Variants in IMMP2L observed in about 807,000 individuals in gnomAD.
IMMP2L encodes the protein inner mitochondrial membrane peptidase subunit 2, also known as mitochondrial inner membrane protease subunit 2.
In IMMP2L, 18 loss-of-function variants were observed where a neutral mutation model predicts 19.3. That is an observed-to-expected ratio of 0.93 (90% confidence interval 0.64 to 1.38). The LOEUF (loss-of-function observed/expected upper bound fraction) is 1.38. IMMP2L is among the 40% of genes most tolerant of loss of function. The pLI is 0.00. For missense variants in IMMP2L, 233 were observed against 218.2 expected, an observed-to-expected ratio of 1.07 and a Z score of -0.43; for synonymous variants, 76 against 73.0, an observed-to-expected ratio of 1.04 and a Z score of -0.21.
At chr7:110,906,843 T>C (rs1355663392) in intron 4 of IMMP2L, among the ~76,000 whole-genome samples, 1 of 152,194 alleles carries the variant, frequency 6.6e-6, no homozygotes, top group Non-Finnish European at 1.5e-5. Context: ...ATGATTATAC[T>C]AATATGATGA....
intron 3 of IMMP2L, 60 bp from the exon 4 acceptor site, chr7:110,963,625 A>G (rs1053060197): frequency 3.8e-6 from 4 of 1,065,072 alleles, no homozygotes; most frequent in Non-Finnish European, 5.6e-6. Context: ...AGGAAGATGA[A>G]AAGAAATTCT....
chr7:110,783,327 T>C (rs1010456323), intron 5 of IMMP2L, among the ~76,000 whole-genome samples: 1 of 151,782 alleles, frequency 6.6e-6, no homozygotes, highest in Admixed American at 6.6e-5. Flanking sequence ...TCAATTACAA[T>C]GAGGAAACTA....
chr7:111,501,224 T>C (rs938252965), intron 2 of IMMP2L, among the ~76,000 whole-genome samples: 16 of 152,024 alleles, frequency 1.1e-4, no homozygotes, highest in Admixed American at 7.2e-4. Flanking sequence ...AGGGTATCAG[T>C]GATGGAAGAC....
intron 5 of IMMP2L, among the ~76,000 whole-genome samples, chr7:110,789,631 C>T (rs1410951462): frequency 6.6e-6 from 1 of 151,656 alleles, no homozygotes; most frequent in Non-Finnish European, 1.5e-5. Flanking sequence ...TGTCCAATGG[C>T]TTCCTTTATG....
chr7:111,270,187 C>T (rs567205678), intron 3 of IMMP2L, among the ~76,000 whole-genome samples: 12 of 151,738 alleles, frequency 7.9e-5, no homozygotes, highest in South Asian at 2.1e-4. Context: ...AGAAAGCTGG[C>T]TTGCCTTTTA....
intron 3 of IMMP2L, among the ~76,000 whole-genome samples, chr7:111,050,263 A>C (rs1740269740): frequency 6.6e-6 from 1 of 152,218 alleles, no homozygotes; most frequent in South Asian, 2.1e-4. Flanking sequence ...AAAGAATCTT[A>C]CAGATTTTGA....
intron 3 of IMMP2L, among the ~76,000 whole-genome samples, chr7:111,235,977 AT>A (rs1342104851): frequency 2.6e-5 from 4 of 151,600 alleles, no homozygotes; most frequent in Non-Finnish European, 5.9e-5. Context: ...CATCCAGCAA[AT>A]TTTTTTCATC....
chr7:110,797,335 A>G (rs1285313724), intron 5 of IMMP2L, among the ~76,000 whole-genome samples: 1 of 152,078 alleles, frequency 6.6e-6, no homozygotes, highest in African/African-American at 2.4e-5. Context: ...TATGTGTAGT[A>G]GAGGAGCTTT....
intron 3 of IMMP2L, among the ~76,000 whole-genome samples, chr7:111,428,144 C>G (rs1287190207): frequency 6.6e-6 from 1 of 151,678 alleles, no homozygotes; most frequent in African/African-American, 2.4e-5. Flanking sequence ...TTGCAATATT[C>G]TAGGAGAGTG....
At chr7:110,794,252 C>T (rs760029171) in intron 5 of IMMP2L, among the ~76,000 whole-genome samples, 5 of 152,058 alleles carry the variant, frequency 3.3e-5, no homozygotes, top group Admixed American at 1.3e-4. Flanking sequence ...GTAGCCAAGA[C>T]GTCCTTGAGC....
chr7:110,702,956 A>T (rs6466350), intron 5 of IMMP2L, among the ~76,000 whole-genome samples: 2 of 151,976 alleles, frequency 1.3e-5, no homozygotes, highest in East Asian at 1.9e-4. Flanking sequence ...TAAAGTAATG[A>T]GATCAGATAG....
intron 3 of IMMP2L, among the ~76,000 whole-genome samples, chr7:111,212,738 T>C (rs1264304139): frequency 2.0e-5 from 3 of 152,222 alleles, no homozygotes; most frequent in Non-Finnish European, 1.5e-5. Context: ...AAATAATTGT[T>C]ACACACAGTG....
chr7:111,008,927 G>A (rs1563155549), intron 3 of IMMP2L, among the ~76,000 whole-genome samples: 1 of 152,030 alleles, frequency 6.6e-6, no homozygotes, highest in Non-Finnish European at 1.5e-5. Flanking sequence ...TGGATTCTGT[G>A]CCACTTTGAG....
At chr7:111,068,654 G>C (rs1407826759) in intron 3 of IMMP2L, among the ~76,000 whole-genome samples, 1 of 152,054 alleles carries the variant, frequency 6.6e-6, no homozygotes, top group African/African-American at 2.4e-5. Context: ...ATTTATAATA[G>C]CACAAGTATC....
At chr7:110,808,425 GC>G (rs1241569843) in intron 5 of IMMP2L, among the ~76,000 whole-genome samples, 7 of 151,994 alleles carry the variant, frequency 4.6e-5, no homozygotes, top group Non-Finnish European at 4.4e-5. Context: ...ATTTTGGGCA[GC>G]CCTTTATGAA....
chr7:110,907,952 G>A (rs954776771), intron 4 of IMMP2L, among the ~76,000 whole-genome samples: 9 of 152,118 alleles, frequency 5.9e-5, no homozygotes, highest in South Asian at 2.1e-4. Flanking sequence ...TTACTCATGC[G>A]ACACAACGGT....
chr7:110,922,788 T>C (rs1422408798), intron 4 of IMMP2L, among the ~76,000 whole-genome samples: 2 of 152,176 alleles, frequency 1.3e-5, no homozygotes, highest in South Asian at 2.1e-4. Flanking sequence ...TTGCTTCAAA[T>C]GTATATCATG....
At chr7:110,838,148 C>T (rs556269089) in intron 5 of IMMP2L, among the ~76,000 whole-genome samples, 80 of 151,450 alleles carry the variant, frequency 5.3e-4, no homozygotes, top group African/African-American at 1.8e-3. Context: ...CATATTCAGT[C>T]AGTAGTTATC....
At chr7:111,155,953 A>G (rs961180041) in intron 3 of IMMP2L, among the ~76,000 whole-genome samples, 4 of 152,064 alleles carry the variant, frequency 2.6e-5, no homozygotes, top group Non-Finnish European at 5.9e-5. Context: ...TAGAGATGAA[A>G]ATATATAATA....
Sources: gnomAD v4.1 joint callset for allele counts (sites outside exome capture counted in the v4.1 genomes callset) on GRCh38, gnomAD v4.1.1 for gene constraint, MANE v1.5 for transcripts, NCBI Gene and HGNC (gene_info 2026-07-23, HGNC 2026-07-21) for gene names.